The following SUSD1 variants were observed in gnomAD, a reference collection of about 807,000 sequenced individuals.
SUSD1 encodes sushi domain containing 1.
A neutral mutation model predicts 86.9 loss-of-function variants in SUSD1; 65 were observed. The ratio of observed to expected loss-of-function variants is 0.75; its 90% confidence interval spans 0.61 to 0.92. SUSD1 has a LOEUF of 0.92. Ranked by LOEUF, SUSD1 falls within the 40% of genes least tolerant of loss-of-function variation. The pLI is 0.00. For missense variants in SUSD1, 850 were observed against 929.7 expected (o/e 0.91, Z 1.11); for synonymous variants, 346 against 350.0 (o/e 0.99, Z 0.13).
At chr9:112,083,881 G>T (rs1042502852) in intron 10 of SUSD1, among the ~76,000 whole-genome samples, 4 of 152,134 alleles carry the variant, frequency 2.6e-5, no homozygotes, top group Non-Finnish European at 5.9e-5. Context: ...ATACTTTGCC[G>T]TTCTGTTCCC....
At chr9:112,067,580 A>G (rs1304775390) in intron 12 of SUSD1, among the ~76,000 whole-genome samples, 1 of 152,218 alleles carries the variant, frequency 6.6e-6, no homozygotes, top group Admixed American at 6.5e-5. Context: ...GTCCTTATGC[A>G]TTTGTGCAAG....
intron 5 of SUSD1, among the ~76,000 whole-genome samples, chr9:112,131,072 CTA>C (rs1303527564): frequency 2.0e-5 from 3 of 152,038 alleles, no homozygotes; most frequent in Non-Finnish European, 4.4e-5. Flanking sequence ...TAGGTGGAAA[CTA>C]TATCTCATAT....
intron 14 of SUSD1, among the ~76,000 whole-genome samples, chr9:112,053,191 T>C (rs1828295202): frequency 6.6e-6 from 1 of 151,622 alleles, no homozygotes; most frequent in African/African-American, 2.4e-5. Flanking sequence ...TGGATTTTAT[T>C]AATTTTTTTT....
rs1020188772 is a variant in SUSD1, at chr9:112,078,689, T to C, written c.1602A>G (p.Glu534=). 3.7e-6 allele frequency: 6 copies of C among 1,613,584 alleles called. No homozygotes were observed. Among genetic ancestry groups the C allele is most frequent in the African/African-American group, 1.3e-5 (1 of 74,878 alleles). Residue 534 remains glutamate, a synonymous_variant, in exon 12 of 17, where the codon GAA becomes GAG. Coordinates refer to ENST00000374270, the MANE Select transcript of SUSD1 (RefSeq NM_022486.5). Reference sequence around the variant, plus strand: ...TATTAAAGGTCATTTCCTGGGCAAATTCCTTCTGATACCATCTCTGGCCCC... The same window carrying C: ...TATTAAAGGTCATTTCCTGGGCAAACTCCTTCTGATACCATCTCTGGCCCC... ...HIWGQRWYQK[E]FAQEMTFNIS... is the part of the protein sequence containing the mutation.
rs764521452 is a variant in SUSD1 at position 112,052,388 on chromosome 9, A to G, written c.2149+11T>C. ...ATAAGGACAGCATTCATAGGCAGAA[A>G]ATAATTTTACCTTTCACCTGAGCCC... On this transcript the variant is annotated intron_variant, in intron 15 of 16. Coordinates refer to ENST00000374270, the MANE Select transcript of SUSD1 (RefSeq NM_022486.5). The G allele has an allele frequency of 1.5e-5, 24 of 1,613,914 alleles. No individual in the cohort carries two copies. The highest frequency in any genetic ancestry group is 2.0e-5 in the Non-Finnish European group (24 of 1,180,004).
At chr9:112,077,567 C>T (rs886079111) in intron 12 of SUSD1, among the ~76,000 whole-genome samples, 3 of 118,882 alleles carry the variant, frequency 2.5e-5, no homozygotes, top group Non-Finnish European at 4.8e-5. Context: ...GGCTGGAGTG[C>T]GATCTCAGAT....
At chr9:112,146,918 G>A (rs1337365719) in intron 3 of SUSD1, among the ~76,000 whole-genome samples, 6 of 152,190 alleles carry the variant, frequency 3.9e-5, no homozygotes, top group African/African-American at 1.2e-4. Flanking sequence ...ATACAGGCGT[G>A]AGTCACCATG....
chr9:112,142,772 C>T (rs978931299), intron 4 of SUSD1, among the ~76,000 whole-genome samples: 1 of 151,912 alleles, frequency 6.6e-6, no homozygotes, highest in Non-Finnish European at 1.5e-5. Flanking sequence ...TAAAGAGAAG[C>T]CTTGTCCAGT....
At chr9:112,124,557 T>A (rs1459164069) in intron 5 of SUSD1, 121 bp from the exon 6 acceptor site, 2 of 911,156 alleles carry the variant, frequency 2.2e-6, no homozygotes, top group Non-Finnish European at 3.1e-6. Flanking sequence ...GAGAAAACAC[T>A]AACCCCATCA....
At position 112,149,331 on chromosome 9, in the gene SUSD1, C is replaced by A; in HGVS notation, c.286G>T (p.Gly96Trp). Residue 96 changes from glycine (G) to tryptophan (W), a missense_variant, in exon 3 of 17, where the codon GGG becomes TGG. By Grantham distance (184) the Gly-to-Trp change is radical. Transcript: ENST00000374270. The part of the protein sequence containing the change: ...GNHTSCHNTP[G>W]GFYCICLEGY... ...TCCAGGCAAATGCAATAGAAGCCCC[C>A]GGGGGTGTTGTGGCAAGATGTGTGG... 6.2e-7 allele frequency: 1 copy of A among 1,614,138 alleles called. No homozygotes were observed. Among genetic ancestry groups the A allele is most frequent in the Non-Finnish European group, 8.5e-7 (1 of 1,180,020 alleles).
At chr9:112,104,506 G>A (rs1399566123) in intron 8 of SUSD1, among the ~76,000 whole-genome samples, 5 of 152,184 alleles carry the variant, frequency 3.3e-5, no homozygotes, top group Non-Finnish European at 7.3e-5. Flanking sequence ...CCATCTGGCA[G>A]AGAGCCTGGG....
chr9:112,072,386 C>T (rs1191987343), intron 12 of SUSD1, among the ~76,000 whole-genome samples: 1 of 151,980 alleles, frequency 6.6e-6, no homozygotes, highest in Non-Finnish European at 1.5e-5. Context: ...CCCACCTCAG[C>T]TTCCAAAAGT....
intron 3 of SUSD1, among the ~76,000 whole-genome samples, chr9:112,144,218 G>A (rs1832708901): frequency 6.6e-6 from 1 of 151,130 alleles, no homozygotes; most frequent in Admixed American, 6.6e-5. Flanking sequence ...CAGCCTGGGT[G>A]ACAGAGCAAG....
chr9:112,066,567 AG>A (rs1828987525), intron 12 of SUSD1, among the ~76,000 whole-genome samples: 1 of 152,198 alleles, frequency 6.6e-6, no homozygotes, highest in African/African-American at 2.4e-5. Flanking sequence ...CAAACCTGGA[AG>A]AGACCATGGA....
intron 6 of SUSD1, among the ~76,000 whole-genome samples, chr9:112,119,339 T>C (rs1196201854): frequency 6.6e-6 from 1 of 152,188 alleles, no homozygotes; most frequent in Non-Finnish European, 1.5e-5. Context: ...ATCCATTTAT[T>C]CCGGCTGACC....
At chr9:112,099,378 T>C (rs909958417) in intron 9 of SUSD1, among the ~76,000 whole-genome samples, 5 of 152,074 alleles carry the variant, frequency 3.3e-5, no homozygotes, top group Non-Finnish European at 7.4e-5. Flanking sequence ...AAGAAATCCA[T>C]GGACAAGCCT....
At chr9:112,094,849 A>T (rs535583563) in intron 10 of SUSD1, among the ~76,000 whole-genome samples, 1 of 152,248 alleles carries the variant, frequency 6.6e-6, no homozygotes, top group Admixed American at 6.5e-5. Context: ...AAATGTGAAC[A>T]TGTTTAAAAA....
chr9:112,165,942 GAAGAAAGA>G lies in SUSD1; in HGVS notation c.104-8337_104-8330del, dbSNP rs10525522. ...GAAAGAAAAGAAAGAAAGAAAGAAAGAAGAAAGAAAGAAAGAAAGAAAGAAAGAAAGAA... is the reference window on the plus strand; with the variant it reads ...GAAAGAAAAGAAAGAAAGAAAGAAAGAAGAAAGAAAGAAAGAAAGAAAGAA... On this transcript the variant is annotated intron_variant, in intron 1 of 16. Transcript: ENST00000374270. Among the ~76,000 whole-genome samples, 574 of 71,956 alleles carry G rather than the reference GAAGAAAGA, an allele frequency of 8.0e-3. 6 individuals are homozygous for G. The highest frequency in any genetic ancestry group is 8.8e-3 in the Non-Finnish European group (321 of 36,428). The allele number at this position is 71,956 out of a possible 152,430, so 47.2% of individuals were successfully genotyped here.
intron 10 of SUSD1, among the ~76,000 whole-genome samples, chr9:112,084,316 A>T (rs1346709575): frequency 6.6e-6 from 1 of 152,210 alleles, no homozygotes; most frequent in Non-Finnish European, 1.5e-5. Flanking sequence ...TGCTTCCCTC[A>T]AAGAGAATGA....
Sources: allele counts gnomAD v4.1 joint callset (sites outside exome capture counted in the v4.1 genomes callset), GRCh38; gene constraint gnomAD v4.1.1; transcripts MANE v1.5; gene names NCBI Gene and HGNC (gene_info 2026-07-23, HGNC 2026-07-21).